The following CPSF1 variants were observed in gnomAD, a reference collection of about 807,000 sequenced individuals.
CPSF1 encodes cleavage and polyadenylation specificity factor subunit 1.
In CPSF1, 106 loss-of-function variants were observed where a neutral mutation model predicts 175.8. The observed-to-expected ratio is 0.60, with a 90% CI of 0.52 to 0.71. CPSF1 has a LOEUF of 0.71. Ranked by LOEUF, CPSF1 falls within the 30% of genes least tolerant of loss-of-function variation. The pLI, the probability that CPSF1 is intolerant of heterozygous loss-of-function variation, is 0.00. For synonymous variants in CPSF1, 1,024 were observed against 858.3 expected, an observed-to-expected ratio of 1.19 and a Z score of -3.37; for missense variants, 1,734 against 2,022.9, an observed-to-expected ratio of 0.86 and a Z score of 2.74.
intron 23 of CPSF1, 63 bp from the exon 24 acceptor site, chr8:144,396,992 T>TGGGAAGAGGTGGGCTGTG: frequency 8.5e-7 from 1 of 1,171,342 alleles, no homozygotes; most frequent in Admixed American, 2.1e-5. Context: ...GGATGGGCCA[T>TGGGAAGAGGTGGGCTGTG]GGGAAGAGGT....
In CPSF1 at chr8:144,394,021, C is replaced by A; in HGVS notation, c.3877G>T (p.Gly1293Cys). The change falls in exon 35 of 38, where the codon GGC becomes TGC. Residue 1293 changes from glycine (G) to cysteine (C), a missense_variant. Physicochemically the swap from Gly to Cys is radical, Grantham distance 159 (BLOSUM62 -3). Around this residue, in one of 10 missense-constraint regions of CPSF1, gnomAD observed 323 missense variants for 338.5 expected, o/e 0.95. Transcript: ENST00000616140. ...YLPEAKESFGGMRLLRRADFH... is the reference protein window; with the variant it reads ...YLPEAKESFGCMRLLRRADFH... ...TCTGCCCGACGCAGCAGGCGCATGC[C>A]CCCGAAACTCTCCTTGGCTAGACCA... is the stretch of plus-strand genomic sequence containing the variant. 3 of 1,612,056 alleles carry A rather than the reference C, an allele frequency of 1.9e-6. No individual in the cohort carries two copies. The highest frequency in any genetic ancestry group is 2.5e-6 in the Non-Finnish European group (3 of 1,178,794).
At chr8:144,406,895 A>G (rs1397686609) in intron 2 of CPSF1, among the ~76,000 whole-genome samples, 2 of 152,122 alleles carry the variant, frequency 1.3e-5, no homozygotes, top group Non-Finnish European at 2.9e-5. Context: ...CCAGCAGAAT[A>G]TGACAGAAGG....
Position 144,399,062 on chromosome 8 carries a change from A to T in CPSF1, c.1468-24T>A. The T allele has an allele frequency of 6.4e-7, 1 of 1,557,864 alleles. No homozygotes were observed. The highest frequency in any genetic ancestry group is 8.7e-7 in the Non-Finnish European group (1 of 1,151,148). On this transcript the variant is annotated intron_variant, in intron 15 of 37. Transcript: ENST00000616140. The surrounding 1 kb of genome is among the most constrained non-coding windows in gnomAD (Gnocchi z 6.4). ...AACTGCACAGGACTCGGGGGTGAGG[A>T]CTATGCCCCCCACCCCCCCTCACAC...
intron 23 of CPSF1, 68 bp downstream of exon 23, chr8:144,397,139 G>A (rs868926421): frequency 3.7e-5 from 53 of 1,432,102 alleles, no homozygotes; most frequent in Middle Eastern, 2.4e-4. Flanking sequence ...GGGAAGGGGC[G>A]GGGCTGTGGG....
chr8:144,402,097 G>A (rs2116888798), intron 2 of CPSF1, among the ~76,000 whole-genome samples: 5 of 152,328 alleles, frequency 3.3e-5, no homozygotes, highest in East Asian at 1.9e-4. Context: ...ACTGATCTGC[G>A]TGCCTGTTAG....
At position 144,399,129 on chromosome 8, in the gene CPSF1, T is replaced by G; in HGVS notation, c.1466A>C (p.Glu489Ala). Residue 489 changes from glutamate to alanine, a missense_variant and splice_region_variant, in exon 15 of 38, where the codon GAG becomes GCG. This residue lies in a region of CPSF1 where 280 missense variants were observed against 349.2 expected (regional missense o/e 0.80). Transcript: ENST00000616140. The surrounding 1 kb of genome is among the most constrained non-coding windows in gnomAD (Gnocchi z 6.4). ...AGCCCCGACCCCAACCCTGGGCACCTCTTCAGAGAGGAAGGCAGGCTCGCC... is the reference window on the plus strand; with the variant it reads ...AGCCCCGACCCCAACCCTGGGCACCGCTTCAGAGAGGAAGGCAGGCTCGCC... Reference protein sequence around the residue: ...AVGEPAFLSEEFQNSPEPDLE... With the variant: ...AVGEPAFLSEAFQNSPEPDLE... 6.9e-7 allele frequency: 1 copy of G among 1,446,024 alleles called. No homozygotes were observed. The highest frequency in any genetic ancestry group is 9.3e-7 in the Non-Finnish European group (1 of 1,078,258). 89.6% of individuals were successfully genotyped at this position (1,446,024 alleles called of 1,614,324 possible). A position where few individuals can be genotyped will look rare whatever the true frequency, so the allele number is the denominator to read the frequency against.
Position 144,398,393 on chromosome 8 carries a change from G to A in CPSF1, c.1803C>T (p.Ala601=). The A allele has an allele frequency of 6.2e-7, 1 of 1,613,754 alleles. No individual in the cohort carries two copies. The highest frequency in any genetic ancestry group is 8.5e-7 in the Non-Finnish European group (1 of 1,179,974). ...CAGCAAAGACCGTGGGGCCCTGAGT[G>A]GCGAAGCCACTGGTGTCCAGCTCCA... The part of the protein sequence containing the change: ...EIMELDTSGF[A]TQGPTVFAGN... Residue 601 remains alanine (A), a synonymous_variant, in exon 19 of 38, where the codon GCC becomes GCT. Coordinates refer to ENST00000616140, the MANE Select transcript of CPSF1 (RefSeq NM_013291.3).
At position 144,398,353 on chromosome 8, in the gene CPSF1, T is replaced by C; in HGVS notation, c.1843A>G (p.Asn615Asp). The C allele has an allele frequency of 6.4e-7, 1 of 1,565,586 alleles. No individual in the cohort carries two copies. Among genetic ancestry groups the C allele is most frequent in the Non-Finnish European group, 8.7e-7 (1 of 1,152,252 alleles). ...PTVFAGNIGD[N>D]RYIVQVSPLG... ...GGTGACACTTGGACAATGTAGCGGT[T>C]GTCCCCGATGTTCCCAGCAAAGACC... Residue 615 changes from asparagine to aspartate, a missense_variant, in exon 19 of 38, where the codon AAC (asparagine) becomes GAC (aspartate). Asn to Asp is a conservative substitution (Grantham distance 23). Coordinates refer to ENST00000616140, the MANE Select transcript of CPSF1 (RefSeq NM_013291.3).
chr8:144,399,667 A>G lies in CPSF1; in HGVS notation c.1163T>C (p.Leu388Pro). The change falls in exon 12 of 38, where the codon CTG becomes CCG. Residue 388 changes from leucine to proline, a missense_variant. Transcript: ENST00000616140. The surrounding 1 kb of genome is among the most constrained non-coding windows in gnomAD (Gnocchi z 6.4). The stretch of plus-strand genomic sequence containing the variant: ...GTACTTGAGGAGGAGGGAATTGCCC[A>G]GGCGAGAACCCAGGAACAGGTACCC... ...EPGYLFLGSRLGNSLLLKYTE... is the reference protein window; with the variant it reads ...EPGYLFLGSRPGNSLLLKYTE... 1.2e-6 allele frequency: 2 copies of G among 1,610,774 alleles called. No individual in the cohort carries two copies. Among genetic ancestry groups the G allele is most frequent in the East Asian group, 4.5e-5 (2 of 44,756 alleles).
At position 144,400,820 on chromosome 8, in the gene CPSF1, G is replaced by C. The variant is rs1240834943; in HGVS notation, c.540-3C>G. The C allele has an allele frequency of 3.7e-6, 6 of 1,613,172 alleles. No homozygotes were observed. The highest frequency in any genetic ancestry group is 5.1e-6 in the Non-Finnish European group (6 of 1,179,872). ...TGGGCAGGAAGCTGGACCTCTGCCTGGGGGGCCAGGGGCTTCAGCAGGAGA... is the reference window on the plus strand; with the variant it reads ...TGGGCAGGAAGCTGGACCTCTGCCTCGGGGGCCAGGGGCTTCAGCAGGAGA... On this transcript the variant is annotated splice_polypyrimidine_tract_variant and splice_region_variant and intron_variant, in intron 6 of 37. Coordinates refer to ENST00000616140, the MANE Select transcript of CPSF1 (RefSeq NM_013291.3).
Position 144,393,921 on chromosome 8 carries a change from T to TTTTTGCTGAGCCC in CPSF1, c.3964_3976dup (p.Lys1326ArgfsTer12). 1 of 1,613,184 alleles carries TTTTTGCTGAGCCC rather than the reference T, an allele frequency of 6.2e-7. No homozygotes were observed. The highest frequency in any genetic ancestry group is 2.2e-5 in the East Asian group (1 of 44,838). On this transcript the variant is annotated frameshift_variant, in exon 35 of 38. Transcript: ENST00000616140. LOFTEE classifies it high-confidence loss of function. ...GTGCTTATTCTCCCACACGACCGAC[T>TTTTTGCTGAGCCC]TTTTGCTGAGCCCTTCAGTGGCCCC... is the stretch of plus-strand genomic sequence containing the variant.
chr8:144,401,118 C>T, intron 5 of CPSF1, 43 bp from the exon 6 acceptor site: 4 of 1,604,092 alleles, frequency 2.5e-6, no homozygotes, highest in Non-Finnish European at 3.4e-6. Flanking sequence ...CATAGGAGAC[C>T]CCGAGGGAAA....
chr8:144,402,487 T>A (rs1487227762), intron 2 of CPSF1, among the ~76,000 whole-genome samples: 5 of 152,222 alleles, frequency 3.3e-5, no homozygotes, highest in South Asian at 4.1e-4. Flanking sequence ...GTATTTTTAG[T>A]AGAGACAGGG....
chr8:144,397,871 C>G lies in CPSF1; in HGVS notation c.2082G>C (p.Lys694Asn), dbSNP rs1820870951. The change falls in exon 21 of 38, where the codon AAG becomes AAC. Residue 694 changes from lysine (K) to asparagine (N), a missense_variant. Lys to Asn is a moderately conservative substitution (Grantham distance 94). Coordinates refer to ENST00000616140, the MANE Select transcript of CPSF1 (RefSeq NM_013291.3). ...CTCGGTACAGGCACAGCGTAATCAC[C>G]TTGGACTGCTGCGGGGAGAGGGGTG... ...LHKPPLHHQSKVITLCLYRDL... is the reference protein window; with the variant it reads ...LHKPPLHHQSNVITLCLYRDL... 1 of 1,607,514 alleles carries G rather than the reference C, an allele frequency of 6.2e-7. No homozygotes were observed.
At position 144,395,362 on chromosome 8, in the gene CPSF1, G is replaced by T; in HGVS notation, c.3097-7C>A. On this transcript the variant is annotated splice_polypyrimidine_tract_variant and splice_region_variant and intron_variant, in intron 27 of 37. Coordinates refer to ENST00000616140, the MANE Select transcript of CPSF1 (RefSeq NM_013291.3). ...TGGTGGCCACAGCATACACCTGTGG[G>T]TTAGTGAGGGTCACACACCAGTGGC... is the stretch of plus-strand genomic sequence containing the variant. 2 of 1,613,220 alleles carry T rather than the reference G, an allele frequency of 1.2e-6. No homozygotes were observed. The highest frequency in any genetic ancestry group is 2.7e-5 in the African/African-American group (2 of 74,990).
In CPSF1 at chr8:144,396,637, C is replaced by T. The variant is rs375259779; in HGVS notation, c.2787G>A (p.Ala929=). ...EEGAGARGRV[A]RFRYFEDIYG... The stretch of plus-strand genomic sequence containing the variant: ...AAATATCCTCGAAGTAGCGGAAACG[C>T]GCCACGCGGCCCCGGGCCCCAGCCC... Residue 929 remains alanine, a synonymous_variant, in exon 25 of 38, where the codon GCG becomes GCA. Coordinates refer to ENST00000616140, the MANE Select transcript of CPSF1 (RefSeq NM_013291.3). 46 of 1,613,592 alleles carry T rather than the reference C, an allele frequency of 2.9e-5. No individual in the cohort carries two copies. Among genetic ancestry groups the T allele is most frequent in the African/African-American group, 4.0e-5 (3 of 74,926 alleles).
chr8:144,408,596 G>A (rs1347062490), intron 2 of CPSF1, among the ~76,000 whole-genome samples: 4 of 152,202 alleles, frequency 2.6e-5, no homozygotes, highest in Non-Finnish European at 5.9e-5. Context: ...GAAATACACA[G>A]TCTCCTTCCT....
Position 144,398,957 on chromosome 8 carries a change from C to A in CPSF1, c.1548+1G>T. 1 of 1,612,926 alleles carries A rather than the reference C, an allele frequency of 6.2e-7. No individual in the cohort carries two copies. The highest frequency in any genetic ancestry group is 8.5e-7 in the Non-Finnish European group (1 of 1,179,920). ...CGCCCGCCCCCTACCTGCCCACACA[C>A]CTGCAGCACCGACAAAGCCCCGTTC... On this transcript the variant is annotated splice_donor_variant, in intron 16 of 37. Coordinates refer to ENST00000616140, the MANE Select transcript of CPSF1 (RefSeq NM_013291.3). LOFTEE classifies it high-confidence loss of function.
Position 144,393,268 on chromosome 8 carries a change from A to C in CPSF1, c.*50T>G. 6.9e-7 allele frequency: 1 copy of C among 1,455,134 alleles called. No homozygotes were observed. Among genetic ancestry groups the C allele is most frequent in the Non-Finnish European group, 9.1e-7 (1 of 1,094,738 alleles). The allele number at this position is 1,455,134 out of a possible 1,614,324, so 90.1% of individuals were successfully genotyped here. ...TGTTTTTCCTTGTGTTTTGTACAAA[A>C]AGGGGGTGGGAGGTAGTTCCGTGTG... On this transcript the variant is annotated 3_prime_UTR_variant, in exon 38 of 38. Coordinates refer to ENST00000616140, the MANE Select transcript of CPSF1 (RefSeq NM_013291.3).
Sources: allele counts gnomAD v4.1 joint callset (sites outside exome capture counted in the v4.1 genomes callset), GRCh38; gene constraint gnomAD v4.1.1; regional missense constraint gnomAD v4.1.1; non-coding constraint Gnocchi (gnomAD v3.1); transcripts MANE v1.5; gene names NCBI Gene and HGNC (gene_info 2026-07-23, HGNC 2026-07-21).